MIA2: variants seen among roughly 807,000 people sequenced by gnomAD.
MIA2 encodes melanoma inhibitory activity protein 2.
In MIA2, 127 loss-of-function variants were observed where a neutral mutation model predicts 167.8. That is an observed-to-expected ratio of 0.76 (90% CI 0.66 to 0.88). The LOEUF (loss-of-function observed/expected upper bound fraction) is 0.88. Among genes scored for constraint, MIA2 ranks in the 40% least tolerant of loss-of-function variants. The pLI, the probability that MIA2 is intolerant of heterozygous loss-of-function variation, is 0.00. For missense variants in MIA2, 1,690 were observed against 1,624.7 expected (o/e 1.04, Z -0.69); for synonymous variants, 552 against 541.9 (o/e 1.02, Z -0.26).
chr14:39,324,781 A>G (rs947053900), intron 24 of MIA2, among the ~76,000 whole-genome samples: 1 of 151,556 alleles, frequency 6.6e-6, no homozygotes, highest in Non-Finnish European at 1.5e-5. Context: ...TAATTTTTGT[A>G]TTTTCAGTAG....
At chr14:39,244,293 G>A (rs904381210) in intron 3 of MIA2, among the ~76,000 whole-genome samples, 1 of 152,194 alleles carries the variant, frequency 6.6e-6, no homozygotes, top group African/African-American at 2.4e-5. Flanking sequence ...AGCCTCAGGG[G>A]AAAATGAGAC....
intron 26 of MIA2, 82 bp downstream of exon 26, chr14:39,346,108 A>C (rs1490565419): frequency 8.4e-7 from 1 of 1,187,922 alleles, no homozygotes; most frequent in Non-Finnish European, 1.2e-6. Flanking sequence ...AGACCAATAT[A>C]ATTGCTATCT....
At chr14:39,295,961 C>T (rs2061369155) in intron 13 of MIA2, among the ~76,000 whole-genome samples, 1 of 152,064 alleles carries the variant, frequency 6.6e-6, no homozygotes. Context: ...ATGCTGTCTT[C>T]TAGAGATACA....
At chr14:39,379,622 C>T (rs1411249943) in intron 23 of MIA2, among the ~76,000 whole-genome samples, 3 of 151,836 alleles carry the variant, frequency 2.0e-5, no homozygotes, top group African/African-American at 4.8e-5. Context: ...GAGGCTGAGG[C>T]GGGTGGATCA....
intron 25 of MIA2, among the ~76,000 whole-genome samples, chr14:39,335,256 C>G (rs953679162): frequency 6.6e-6 from 1 of 151,964 alleles, no homozygotes; most frequent in South Asian, 2.1e-4. Context: ...GTTTAAAATA[C>G]TTATGTTAAA....
chr14:39,303,532 C>G lies in MIA2; in HGVS notation c.2787+8C>G. 6.3e-7 allele frequency: 1 copy of G among 1,598,252 alleles called. No homozygotes were observed. Among genetic ancestry groups the G allele is most frequent in the Non-Finnish European group, 8.6e-7 (1 of 1,168,196 alleles). On this transcript the variant is annotated splice_region_variant and intron_variant, in intron 16 of 28. Coordinates refer to ENST00000640607, the MANE Select transcript of MIA2 (RefSeq NM_001329214.4). The stretch of plus-strand genomic sequence containing the variant: ...CTGATTCATGCTGCTAAGGTTTGTG[C>G]TATTAGATACTTAAAAAGAATAAGG...
intron 6 of MIA2, among the ~76,000 whole-genome samples, chr14:39,257,293 G>C (rs1445315100): frequency 1.3e-5 from 2 of 152,084 alleles, no homozygotes; most frequent in Non-Finnish European, 2.9e-5. Flanking sequence ...TATATATTTA[G>C]GATAGTTAGC....
chr14:39,237,116 T>A (rs779578858), intron 2 of MIA2, 61 bp downstream of exon 2: 1 of 1,573,444 alleles, frequency 6.4e-7, no homozygotes. Flanking sequence ...CAAAGATTCC[T>A]TCCTTTTCTT....
intron 23 of MIA2, among the ~76,000 whole-genome samples, chr14:39,366,393 T>C (rs897455494): frequency 6.6e-6 from 1 of 152,178 alleles, no homozygotes; most frequent in Non-Finnish European, 1.5e-5. Context: ...GTGTGTATCA[T>C]GAGCAATGTC....
intron 24 of MIA2, among the ~76,000 whole-genome samples, chr14:39,321,838 G>A (rs1235637407): frequency 6.7e-6 from 1 of 150,054 alleles, no homozygotes; most frequent in Non-Finnish European, 1.5e-5. Flanking sequence ...TCGGCTCACT[G>A]CAACCTCTGC....
intron 24 of MIA2, among the ~76,000 whole-genome samples, chr14:39,323,089 C>T (rs2066772610): frequency 6.6e-6 from 1 of 152,216 alleles, no homozygotes; most frequent in Non-Finnish European, 1.5e-5. Flanking sequence ...ATTTTTGGAA[C>T]TCTTCCTTTG....
intron 24 of MIA2, among the ~76,000 whole-genome samples, chr14:39,325,588 CG>C (rs2067362443): frequency 6.6e-6 from 1 of 151,264 alleles, no homozygotes; most frequent in Non-Finnish European, 1.5e-5. Context: ...AGGATGGTCT[CG>C]ATCTCCTGAC....
intron 26 of MIA2, among the ~76,000 whole-genome samples, chr14:39,346,281 T>C (rs573522159): frequency 1.3e-5 from 2 of 152,340 alleles, no homozygotes; most frequent in Non-Finnish European, 2.9e-5. Flanking sequence ...AATTTTACTC[T>C]GTTCTATGAC....
At chr14:39,242,833 C>A (rs982759703) in intron 3 of MIA2, among the ~76,000 whole-genome samples, 1 of 151,624 alleles carries the variant, frequency 6.6e-6, no homozygotes, top group Admixed American at 6.6e-5. Context: ...AAAGAAAAAG[C>A]GGGACTTGGC....
intron 6 of MIA2, chr14:39,269,077 T>TTTTTG: frequency 2.5e-6 from 1 of 406,804 alleles, no homozygotes; most frequent in Non-Finnish European, 2.8e-6. Flanking sequence ...CTGCACAGTT[T>TTTTTG]TTTTTTTTTT....
chr14:39,329,496 T>C (rs1323611197), intron 25 of MIA2, among the ~76,000 whole-genome samples: 1 of 152,174 alleles, frequency 6.6e-6, no homozygotes, highest in African/African-American at 2.4e-5. Flanking sequence ...CAATACTATG[T>C]TGAATAGGGG....
chr14:39,332,910 G>C (rs2069267966), intron 25 of MIA2, among the ~76,000 whole-genome samples: 1 of 151,956 alleles, frequency 6.6e-6, no homozygotes, highest in African/African-American at 2.4e-5. Context: ...TCTATCTTCA[G>C]GTTTACTGAC....
At chr14:39,341,555 G>A (rs1032590631) in intron 25 of MIA2, among the ~76,000 whole-genome samples, 2 of 152,148 alleles carry the variant, frequency 1.3e-5, no homozygotes, top group Non-Finnish European at 2.9e-5. Flanking sequence ...GAGTACAGAT[G>A]TAGCTGTTGG....
At position 39,388,444 on chromosome 14, in the gene MIA2, A is replaced by T. The variant is rs938230280; in HGVS notation, c.*1492A>T. The T allele has an allele frequency of 1.3e-5, 2 of 152,430 alleles. No individual in the cohort carries two copies. Among genetic ancestry groups the T allele is most frequent in the South Asian group, 2.1e-4 (1 of 4,872 alleles). The allele number at this position is 152,430 out of a possible 1,614,324, so 9.4% of individuals were successfully genotyped here. A position where few individuals can be genotyped will look rare whatever the true frequency, so the allele number is the denominator to read the frequency against. ...AAAAATGTTTTCCAGAGATGTAGTG[A>T]TATTGTGATATTAATGCTAACCCAA... On this transcript the variant is annotated 3_prime_UTR_variant, in exon 24 of 24. Transcript: ENST00000341502. This position sits in a 1 kb window ranked among gnomAD's most constrained non-coding sequence, Gnocchi z 4.1.
Sources: gnomAD v4.1 joint callset for allele counts (sites outside exome capture counted in the v4.1 genomes callset) on GRCh38, gnomAD v4.1.1 for gene constraint, Gnocchi (gnomAD v3.1) non-coding constraint, MANE v1.5 for transcripts, NCBI Gene and HGNC (gene_info 2026-07-23, HGNC 2026-07-21) for gene names.